The following NAV1 variants were observed in gnomAD, a reference collection of about 807,000 sequenced individuals.
The protein encoded by NAV1 is neuron navigator 1.
Under a neutral mutation model 175.2 loss-of-function variants are expected in NAV1, and 18 were observed. The ratio of observed to expected loss-of-function variants is 0.10; its 90% CI spans 0.07 to 0.15. The LOEUF (loss-of-function observed/expected upper bound fraction) is 0.15. Among genes scored for constraint, NAV1 ranks in the 10% least tolerant of loss-of-function variants. The pLI, the probability that NAV1 is intolerant of heterozygous loss-of-function variation, is 1.00. For missense variants in NAV1, 1,731 were observed against 2,436.6 expected, an observed-to-expected ratio of 0.71 and a Z score of 6.10; for synonymous variants, 897 against 978.7, an observed-to-expected ratio of 0.92 and a Z score of 1.56.
chr1:201,714,001 G>A (rs1311928775), intron 2 of NAV1, among the ~76,000 whole-genome samples: 2 of 152,088 alleles, frequency 1.3e-5, no homozygotes, highest in Non-Finnish European at 1.5e-5. Flanking sequence ...TTTAAAGACC[G>A]AGTCTCATTC....
At chr1:201,723,847 A>G (rs1038175273) in intron 3 of NAV1, 1 of 152,212 alleles carries the variant, frequency 6.6e-6, no homozygotes, top group Non-Finnish European at 1.5e-5. Context: ...ACTTCTACCT[A>G]TTGATTCAAA....
chr1:201,578,624 C>T (rs781372200), intron 1 of NAV1, among the ~76,000 whole-genome samples: 1 of 152,160 alleles, frequency 6.6e-6, no homozygotes, highest in Non-Finnish European at 1.5e-5. Context: ...GGGCTTGCTA[C>T]TCAGCCTTCT....
At chr1:201,591,657 C>A (rs1451357915) in intron 2 of NAV1, among the ~76,000 whole-genome samples, 1 of 152,214 alleles carries the variant, frequency 6.6e-6, no homozygotes, top group Non-Finnish European at 1.5e-5. Flanking sequence ...CATCGCTCCA[C>A]CCTGGGCCCC....
At chr1:201,541,177 TGTGA>T (rs1557988842) in intron 1 of NAV1, among the ~76,000 whole-genome samples, 1 of 152,230 alleles carries the variant, frequency 6.6e-6, no homozygotes, top group East Asian at 1.9e-4. Flanking sequence ...CCTATCTTCC[TGTGA>T]GTACCTTCCA....
Position 201,718,573 on chromosome 1 carries a change from C to T in NAV1, c.1044C>T (p.His348=), listed in dbSNP as rs778013705. The T allele has an allele frequency of 7.6e-5, 123 of 1,614,076 alleles. No homozygotes were observed. The highest frequency in any genetic ancestry group is 9.3e-5 in the African/African-American group (7 of 75,038). ...AGGGGACGCCCGCCTGGTACATGCA[C>T]GGCGAACGGGCCCACTACTCCCACA... Residue 348 remains histidine, a synonymous_variant, in exon 3 of 30, where the codon CAC becomes CAT. Transcript: ENST00000367296. This position sits in a 1 kb window ranked among gnomAD's most constrained non-coding sequence, Gnocchi z 4.8.
intron 15 of NAV1, among the ~76,000 whole-genome samples, chr1:201,803,089 C>T (rs1273041406): frequency 6.6e-6 from 1 of 152,116 alleles, no homozygotes; most frequent in Non-Finnish European, 1.5e-5. Context: ...TTTTTTGTGC[C>T]ATCACAAACC....
At chr1:201,670,614 G>A (rs1372965925) in intron 1 of NAV1, among the ~76,000 whole-genome samples, 1 of 151,526 alleles carries the variant, frequency 6.6e-6, no homozygotes, top group Non-Finnish European at 1.5e-5. Flanking sequence ...TTTTGTTGAT[G>A]ATGGCAGTGA....
At chr1:201,594,384 C>A (rs1183459010) in intron 2 of NAV1, among the ~76,000 whole-genome samples, 1 of 152,164 alleles carries the variant, frequency 6.6e-6, no homozygotes, top group Admixed American at 6.5e-5. Flanking sequence ...GCTTGTGGAG[C>A]TCCCAGGCTG....
exon 30 of NAV1, chr1:201,821,807 G>GC (rs1679399304): frequency 6.6e-6 from 1 of 152,226 alleles, no homozygotes; most frequent in Non-Finnish European, 1.5e-5. Flanking sequence ...ATTTCTGAAA[G>GC]CCCCGCGGGA....
rs116246396 is a variant in NAV1 at position 201,817,285 on chromosome 1, G to C, written c.5538G>C (p.Leu1846=). Residue 1846 remains leucine, a splice_region_variant and synonymous_variant, in exon 29 of 30, where the codon CTG becomes CTC. Transcript: ENST00000367296. The stretch of plus-strand genomic sequence containing the variant: ...CAAGTTCTCTGGACTCAGATCCTCT[G>C]GTGAGTAGAAGCCATTCTAGAGTAA... 4,844 of 1,613,884 alleles carry C rather than the reference G, an allele frequency of 3.0e-3. 74 individuals are homozygous for C. The African/African-American group carries it at 0.045, about 15-fold the overall frequency.
At chr1:201,743,810 A>T (rs1280736690) in intron 3 of NAV1, among the ~76,000 whole-genome samples, 1 of 152,226 alleles carries the variant, frequency 6.6e-6, no homozygotes, top group Non-Finnish European at 1.5e-5. Flanking sequence ...ATTATATGCT[A>T]ATGAGGATGG....
Position 201,812,358 on chromosome 1 carries a change from A to T in NAV1, c.5025-107A>T. 1 of 1,095,818 alleles carries T rather than the reference A, an allele frequency of 9.1e-7. No homozygotes were observed. The highest frequency in any genetic ancestry group is 1.3e-6 in the Non-Finnish European group (1 of 745,766). 67.9% of individuals were successfully genotyped at this position (1,095,818 alleles called of 1,614,324 possible). On this transcript the variant is annotated intron_variant, in intron 26 of 29. Coordinates refer to ENST00000367296, the Ensembl canonical transcript of NAV1. The surrounding 1 kb of genome is among the most constrained non-coding windows in gnomAD (Gnocchi z 4.6). ...ACTATTACTTGAAAAGAAACCAAGT[A>T]GGCATTAGTGAGAAGCAGGCAGAAG...
At chr1:201,558,758 G>A (rs1001907373) in intron 1 of NAV1, among the ~76,000 whole-genome samples, 8 of 152,054 alleles carry the variant, frequency 5.3e-5, no homozygotes, top group Admixed American at 5.2e-4. Context: ...CACAGGTGTG[G>A]TGTTTAATTT....
chr1:201,620,747 G>A (rs546955715), upstream of NAV1, among the ~76,000 whole-genome samples: 1 of 151,986 alleles, frequency 6.6e-6, no homozygotes, highest in Non-Finnish European at 1.5e-5. Flanking sequence ...GGGATTACAG[G>A]TGTGAGCCAC....
chr1:201,622,763 C>T, upstream of NAV1: 1 of 953,562 alleles, frequency 1.0e-6, no homozygotes, highest in Non-Finnish European at 1.2e-6. Flanking sequence ...TCGAGCCTCC[C>T]CACAGACCCC....
intron 3 of NAV1, among the ~76,000 whole-genome samples, chr1:201,743,346 T>C (rs545747540): frequency 2.0e-5 from 3 of 152,340 alleles, no homozygotes; most frequent in South Asian, 4.1e-4. Flanking sequence ...AGGTGAAAAT[T>C]ATAATTGCCA....
At chr1:201,689,123 A>G (rs781713525) in intron 1 of NAV1, among the ~76,000 whole-genome samples, 2 of 152,198 alleles carry the variant, frequency 1.3e-5, no homozygotes, top group African/African-American at 4.8e-5. Flanking sequence ...AACGAATTCT[A>G]AAGAAGTCCT....
chr1:201,810,594 A>C lies in NAV1; in HGVS notation c.4633A>C (p.Ile1545Leu). ...CCCCAAGCCGATGATGCAGCACTAC[A>C]TAAGCCTCCTGCTGAAGCACCGGCG... Residue 1545 changes from isoleucine (I) to leucine (L), a missense_variant, in exon 24 of 30, where the codon ATA (isoleucine) becomes CTA (leucine). Transcript: ENST00000367296. This position sits in a 1 kb window ranked among gnomAD's most constrained non-coding sequence, Gnocchi z 6.0. The C allele has an allele frequency of 6.2e-7, 1 of 1,614,056 alleles. No homozygotes were observed. The highest frequency in any genetic ancestry group is 8.5e-7 in the Non-Finnish European group (1 of 1,179,982).
intron 3 of NAV1, among the ~76,000 whole-genome samples, chr1:201,726,648 CA>C (rs369489372): frequency 0.033 from 3,670 of 109,980 alleles, 109 homozygotes; most frequent in African/African-American, 0.099. Context: ...AACTCCATCT[CA>C]AAAAAAAAAA....
Sources: gnomAD v4.1 joint callset for allele counts (sites outside exome capture counted in the v4.1 genomes callset) on GRCh38, gnomAD v4.1.1 for gene constraint, Gnocchi (gnomAD v3.1) non-coding constraint, MANE v1.5 for transcripts, NCBI Gene and HGNC (gene_info 2026-07-23, HGNC 2026-07-21) for gene names.